Variants in INSC observed in about 807,000 individuals in gnomAD.
INSC encodes the protein protein inscuteable homolog.
INSC carries 67 observed loss-of-function variants against 58.6 expected under a neutral mutation model. That is an observed-to-expected ratio of 1.14 (90% CI 0.94 to 1.40). INSC has a LOEUF of 1.40. Among genes scored for constraint, INSC ranks in the 40% most tolerant of loss-of-function variants. The pLI is 0.00. For missense variants in INSC, 714 were observed against 692.0 expected, an observed-to-expected ratio of 1.03 and a Z score of -0.36; for synonymous variants, 262 against 276.1, an observed-to-expected ratio of 0.95 and a Z score of 0.51.
chr11:15,237,646 A>G (rs938567638), intron 10 of INSC, among the ~76,000 whole-genome samples: 5 of 152,222 alleles, frequency 3.3e-5, no homozygotes, highest in African/African-American at 7.2e-5. Flanking sequence ...GGACAGGGCA[A>G]ATCTTGTTGT....
At chr11:15,260,020 T>C in the INSC span, among the ~76,000 whole-genome samples, 1 of 151,984 alleles carries the variant, frequency 6.6e-6, no homozygotes, top group Non-Finnish European at 1.5e-5. Context: ...GAAAAAAAAG[T>C]GAAGGCCAAA....
At chr11:15,179,945 G>C in intron 5 of INSC, among the ~76,000 whole-genome samples, 1 of 152,220 alleles carries the variant, frequency 6.6e-6, no homozygotes, top group Non-Finnish European at 1.5e-5. Context: ...TTTCCTGAAA[G>C]TGCCAGGTTC....
intron 1 of INSC, among the ~76,000 whole-genome samples, chr11:15,145,950 A>G (rs1048503802): frequency 1.3e-5 from 2 of 152,160 alleles, no homozygotes; most frequent in Non-Finnish European, 2.9e-5. Flanking sequence ...TCTTATCTTC[A>G]TCTGCTCCAG....
the INSC span, among the ~76,000 whole-genome samples, chr11:15,263,762 G>A: frequency 6.6e-6 from 1 of 152,056 alleles, no homozygotes; most frequent in Non-Finnish European, 1.5e-5. Context: ...TTATCGGAAG[G>A]CTTTGGGAAG....
At chr11:15,147,248 C>G (rs1211043205) in intron 1 of INSC, among the ~76,000 whole-genome samples, 1 of 152,148 alleles carries the variant, frequency 6.6e-6, no homozygotes, top group African/African-American at 2.4e-5. Flanking sequence ...AGCCTACTGG[C>G]TCACCAGATT....
At chr11:15,172,289 C>G (rs1849426244) in intron 2 of INSC, among the ~76,000 whole-genome samples, 1 of 152,118 alleles carries the variant, frequency 6.6e-6, no homozygotes, top group African/African-American at 2.4e-5. Context: ...TTAATAACTC[C>G]TTTTCCATCG....
intron 11 of INSC, 37 bp downstream of exon 11, chr11:15,239,111 G>C (rs777281147): frequency 4.4e-6 from 7 of 1,583,240 alleles, no homozygotes; most frequent in African/African-American, 1.3e-5. Flanking sequence ...GGAGTGGAGT[G>C]GGGGTATTGG....
At position 15,115,105 on chromosome 11, in the gene INSC, A is replaced by C. The variant is rs79981614; in HGVS notation, c.-46+102A>C. The C allele has an allele frequency of 2.1e-5, 16 of 767,844 alleles. No individual in the cohort carries two copies. In the East Asian group the frequency reaches 2.0e-3, roughly 98 times the overall value. The allele number at this position is 767,844 out of a possible 1,614,324, so 47.6% of individuals were successfully genotyped here. On this transcript the variant is annotated intron_variant, in intron 1 of 12. Coordinates refer to ENST00000379556, the MANE Select transcript of INSC (RefSeq NM_001042536.3). ...TTGTCACTAATTGGATAGTAGGTGTAAGTGTGTCAGTGGGAGTGCTTGTGA... is the reference window on the plus strand; with the variant it reads ...TTGTCACTAATTGGATAGTAGGTGTCAGTGTGTCAGTGGGAGTGCTTGTGA...
At chr11:15,244,325 A>T (rs10832380) in intron 12 of INSC, among the ~76,000 whole-genome samples, 9,106 of 152,022 alleles carry the variant, frequency 0.06, 331 homozygotes, top group East Asian at 0.1. Context: ...AGTTCTGGGG[A>T]GTCTACTTCC....
the INSC span, among the ~76,000 whole-genome samples, chr11:15,257,134 G>A: frequency 6.6e-6 from 1 of 152,238 alleles, no homozygotes; most frequent in South Asian, 2.1e-4. Flanking sequence ...AAAATTGCAA[G>A]ATCAAAAAGT....
intron 1 of INSC, among the ~76,000 whole-genome samples, chr11:15,143,384 A>G (rs979823322): frequency 6.6e-6 from 1 of 151,782 alleles, no homozygotes; most frequent in African/African-American, 2.4e-5. Flanking sequence ...GACAGAGGAG[A>G]GGTTGTTGGG....
intron 1 of INSC, among the ~76,000 whole-genome samples, chr11:15,146,116 C>T (rs1257029661): frequency 2.0e-5 from 3 of 152,246 alleles, no homozygotes; most frequent in Non-Finnish European, 4.4e-5. Context: ...GTGCCTGGCA[C>T]ATAACACATG....
At chr11:15,239,767 G>A (rs971279504) in intron 11 of INSC, among the ~76,000 whole-genome samples, 2 of 152,206 alleles carry the variant, frequency 1.3e-5, no homozygotes, top group African/African-American at 4.8e-5. Flanking sequence ...ATCTGGGTGA[G>A]TCAAAGAATG....
intron 1 of INSC, among the ~76,000 whole-genome samples, chr11:15,137,784 C>G (rs1258627290): frequency 6.6e-6 from 1 of 152,190 alleles, no homozygotes; most frequent in Non-Finnish European, 1.5e-5. Flanking sequence ...AATAGGCTGT[C>G]TTGCTTTTTT....
chr11:15,236,167 C>T (rs1048705995), intron 10 of INSC, among the ~76,000 whole-genome samples: 1 of 150,778 alleles, frequency 6.6e-6, no homozygotes, highest in African/African-American at 2.4e-5. Context: ...TATTTGTTTG[C>T]TTTTGTGAGG....
At chr11:15,182,447 G>A (rs1224444107) in intron 5 of INSC, among the ~76,000 whole-genome samples, 1 of 152,132 alleles carries the variant, frequency 6.6e-6, no homozygotes, top group Non-Finnish European at 1.5e-5. Context: ...GGTTAATTGT[G>A]GTACTATGTT....
At chr11:15,141,156 G>C (rs1359399262) in intron 1 of INSC, among the ~76,000 whole-genome samples, 2 of 152,154 alleles carry the variant, frequency 1.3e-5, no homozygotes, top group African/African-American at 4.8e-5. Flanking sequence ...TACTCTGAGA[G>C]TATAATGTGA....
chr11:15,180,684 A>G lies in INSC; in HGVS notation c.579+2237A>G, dbSNP rs867038508. On this transcript the variant is annotated intron_variant, in intron 5 of 12. Coordinates refer to ENST00000379556, the MANE Select transcript of INSC (RefSeq NM_001042536.3). Reference sequence around the variant, plus strand: ...TGGCCTCCCTCTCATGGTAGGAGTGAGGGGGGGGGCGGGGGGGGGTGGTGG... The same window carrying G: ...TGGCCTCCCTCTCATGGTAGGAGTGGGGGGGGGGGCGGGGGGGGGTGGTGG... Among the ~76,000 whole-genome samples, 25 of 39,954 alleles carry G rather than the reference A, an allele frequency of 6.3e-4. No individual in the cohort carries two copies. The East Asian group carries it at 0.011, about 18-fold the overall frequency. 26.2% of individuals were successfully genotyped at this position (39,954 alleles called of 152,430 possible).
chr11:15,149,541 C>A (rs994099978), intron 2 of INSC, among the ~76,000 whole-genome samples: 1 of 152,124 alleles, frequency 6.6e-6, no homozygotes, highest in Non-Finnish European at 1.5e-5. Context: ...AGGTGACAAC[C>A]TAGAAGGTGT....
Sources: allele counts gnomAD v4.1 joint callset (sites outside exome capture counted in the v4.1 genomes callset), GRCh38; gene constraint gnomAD v4.1.1; transcripts MANE v1.5; gene names NCBI Gene and HGNC (gene_info 2026-07-23, HGNC 2026-07-21).